The following PHACTR4 variants were observed in gnomAD, a reference collection of about 807,000 sequenced individuals.
The protein encoded by PHACTR4 is phosphatase and actin regulator 4.
A neutral mutation model predicts 72.7 loss-of-function variants in PHACTR4; 51 were observed. That is an observed-to-expected ratio of 0.70 (90% CI 0.56 to 0.89). The LOEUF is 0.89. Among genes scored for constraint, PHACTR4 ranks in the 40% least tolerant of loss-of-function variants. The pLI is 0.00. For synonymous variants in PHACTR4, 255 were observed against 302.5 expected (o/e 0.84, Z 1.63); for missense variants, 731 against 861.8 (o/e 0.85, Z 1.90).
At chr1:28,379,390 A>T (rs1651956709) in intron 1 of PHACTR4, among the ~76,000 whole-genome samples, 1 of 148,986 alleles carries the variant, frequency 6.7e-6, no homozygotes, top group Non-Finnish European at 1.5e-5. Flanking sequence ...CTTCCACCTC[A>T]GCCTCCCGGG....
At chr1:28,495,957 G>A (rs1661322900) in intron 13 of PHACTR4, among the ~76,000 whole-genome samples, 1 of 151,224 alleles carries the variant, frequency 6.6e-6, no homozygotes, top group Admixed American at 6.6e-5. Flanking sequence ...GTAGACAGAG[G>A]AAAATGAACC....
intron 12 of PHACTR4, among the ~76,000 whole-genome samples, chr1:28,492,670 G>A (rs574999272): frequency 6.5e-4 from 99 of 152,196 alleles, no homozygotes; most frequent in African/African-American, 2.3e-3. Flanking sequence ...TGAGGCAGGA[G>A]AATCGCCTGA....
chr1:28,469,582 T>C (rs545194258), intron 6 of PHACTR4, among the ~76,000 whole-genome samples: 9 of 152,326 alleles, frequency 5.9e-5, no homozygotes, highest in African/African-American at 2.2e-4. Flanking sequence ...AGTAAAAATA[T>C]TCATTTATGG....
At chr1:28,423,794 A>T (rs1362430721) in intron 2 of PHACTR4, among the ~76,000 whole-genome samples, 1 of 152,208 alleles carries the variant, frequency 6.6e-6, no homozygotes, top group Non-Finnish European at 1.5e-5. Flanking sequence ...ACAAGTTAGT[A>T]TATGTAAAAT....
chr1:28,383,128 G>A (rs943615242), intron 1 of PHACTR4, among the ~76,000 whole-genome samples: 2 of 152,128 alleles, frequency 1.3e-5, no homozygotes, highest in Non-Finnish European at 2.9e-5. Flanking sequence ...ATTCCTCATT[G>A]CCTATTTTTG....
At chr1:28,439,162 G>T (rs943927421) in intron 2 of PHACTR4, among the ~76,000 whole-genome samples, 9 of 151,944 alleles carry the variant, frequency 5.9e-5, no homozygotes, top group African/African-American at 2.2e-4. Flanking sequence ...TTAAAGGGTT[G>T]CTTAAGTATA....
At chr1:28,417,880 G>A (rs560203532) in intron 2 of PHACTR4, among the ~76,000 whole-genome samples, 4 of 151,690 alleles carry the variant, frequency 2.6e-5, no homozygotes, top group South Asian at 4.2e-4. Context: ...TCCTTTGGGA[G>A]GCCCATACGG....
chr1:28,401,484 T>C (rs1653944039), intron 1 of PHACTR4, among the ~76,000 whole-genome samples: 1 of 151,990 alleles, frequency 6.6e-6, no homozygotes, highest in Non-Finnish European at 1.5e-5. Flanking sequence ...TTTTTATATT[T>C]TTAGTAGAGA....
At chr1:28,435,969 C>A (rs1656605551) in intron 2 of PHACTR4, among the ~76,000 whole-genome samples, 1 of 152,288 alleles carries the variant, frequency 6.6e-6, no homozygotes, top group South Asian at 2.1e-4. Context: ...TAATGGTCAA[C>A]ATCATAATGT....
At chr1:28,429,503 G>A (rs1244891043) in intron 2 of PHACTR4, among the ~76,000 whole-genome samples, 1 of 152,160 alleles carries the variant, frequency 6.6e-6, no homozygotes, top group Admixed American at 6.5e-5. Context: ...ATGTAGAGAT[G>A]ATGGGCTATT....
At position 28,440,307 on chromosome 1, in the gene PHACTR4, GAAAAAAAAAA is replaced by G. The variant is rs1206889147; in HGVS notation, c.17-18767_17-18758del. Among the ~76,000 whole-genome samples, 42 of 82,146 alleles carry G rather than the reference GAAAAAAAAAA, an allele frequency of 5.1e-4. No individual in the cohort carries two copies. The East Asian group carries it at 0.015, about 29-fold the overall frequency. 53.9% of individuals were successfully genotyped at this position (82,146 alleles called of 152,430 possible). A position where few individuals can be genotyped will look rare whatever the true frequency, so the allele number is the denominator to read the frequency against. ...ACAGAGCGAAACTCCGTCTCAAAAAGAAAAAAAAAAAAAAAAAAAAGTTCATCTGAGTAAC... is the reference window on the plus strand; with the variant it reads ...ACAGAGCGAAACTCCGTCTCAAAAAGAAAAAAAAAAGTTCATCTGAGTAAC... On this transcript the variant is annotated intron_variant, in intron 2 of 13. Transcript: ENST00000373839.
At chr1:28,397,699 T>A (rs1569820931) in intron 1 of PHACTR4, among the ~76,000 whole-genome samples, 1 of 144,456 alleles carries the variant, frequency 6.9e-6, no homozygotes, top group African/African-American at 2.6e-5. Flanking sequence ...AAAAAATAAT[T>A]TTTGCTTTTT....
chr1:28,429,167 G>T (rs1313583979), intron 2 of PHACTR4, among the ~76,000 whole-genome samples: 1 of 152,148 alleles, frequency 6.6e-6, no homozygotes, highest in Admixed American at 6.5e-5. Context: ...CAGTGGCCCT[G>T]CCTTAACTTT....
chr1:28,455,386 G>A (rs1402883382), intron 2 of PHACTR4, among the ~76,000 whole-genome samples: 3 of 149,886 alleles, frequency 2.0e-5, no homozygotes, highest in African/African-American at 7.4e-5. Flanking sequence ...TAGTAGAGAC[G>A]AGGTTTCACC....
At chr1:28,476,800 TG>T (rs1659955527) in intron 8 of PHACTR4, among the ~76,000 whole-genome samples, 3 of 147,026 alleles carry the variant, frequency 2.0e-5, no homozygotes, top group South Asian at 2.1e-4. Flanking sequence ...GACGGAGTTT[TG>T]CTCTTGTTGC....
At chr1:28,427,607 C>T (rs1240803152) in intron 2 of PHACTR4, among the ~76,000 whole-genome samples, 2 of 152,136 alleles carry the variant, frequency 1.3e-5, no homozygotes, top group Non-Finnish European at 2.9e-5. Context: ...TTGTTTACTG[C>T]GGGTCTTCAC....
chr1:28,438,179 A>C, intron 2 of PHACTR4: 1 of 1,292,028 alleles, frequency 7.7e-7, no homozygotes, highest in East Asian at 3.3e-5. Flanking sequence ...CAGTGTGAAG[A>C]CAGTTTTGTA....
At chr1:28,490,917 A>C (rs750744200) in intron 10 of PHACTR4, 34 bp from the exon 11 acceptor site, 1 of 1,588,376 alleles carries the variant, frequency 6.3e-7, no homozygotes, top group South Asian at 1.1e-5. Flanking sequence ...GTCATTTGTG[A>C]GTAATATTCC....
intron 2 of PHACTR4, among the ~76,000 whole-genome samples, chr1:28,456,824 G>T (rs1244677885): frequency 6.6e-6 from 1 of 152,034 alleles, no homozygotes; most frequent in African/African-American, 2.4e-5. Context: ...GGAGTTGAAG[G>T]CTCAGTGAGC....
Sources: gnomAD v4.1 joint callset for allele counts (sites outside exome capture counted in the v4.1 genomes callset) on GRCh38, gnomAD v4.1.1 for gene constraint, MANE v1.5 for transcripts, NCBI Gene and HGNC (gene_info 2026-07-23, HGNC 2026-07-21) for gene names.